The following LACTBL1 variants were observed in gnomAD, a reference collection of about 807,000 sequenced individuals.
The protein encoded by LACTBL1 is beta-lactamase-like protein 1.
Under a neutral mutation model 39.6 loss-of-function variants are expected in LACTBL1, and 29 were observed. The ratio of observed to expected loss-of-function variants is 0.73; its 90% CI spans 0.55 to 1.00. The LOEUF (loss-of-function observed/expected upper bound fraction) is 1.00, where lower values mean the gene tolerates loss of function less well. Among genes scored for constraint, LACTBL1 ranks in the 50% least tolerant of loss-of-function variants. LACTBL1 has a pLI of 0.00. For synonymous variants in LACTBL1, 361 were observed against 360.7 expected (o/e 1.00, Z -0.01); for missense variants, 711 against 748.5 (o/e 0.95, Z 0.59).
chr1:22,967,644 T>G (rs61187602), upstream of LACTBL1, among the ~76,000 whole-genome samples: 18,022 of 151,436 alleles, frequency 0.12, 1,155 homozygotes, highest in South Asian at 0.27. Context: ...CATATATATA[T>G]AGAGAGAGAG....
At chr1:22,967,088 G>T (rs891651176), upstream of LACTBL1, among the ~76,000 whole-genome samples, 1 of 152,222 alleles carries the variant, frequency 6.6e-6, no homozygotes, top group African/African-American at 2.4e-5. Context: ...TTAAACATTG[G>T]CTGGGTGAAG....
intron 4 of LACTBL1, among the ~76,000 whole-genome samples, chr1:22,956,546 C>T (rs1570498568): frequency 6.6e-6 from 1 of 152,264 alleles, no homozygotes; most frequent in South Asian, 2.1e-4. Flanking sequence ...GGGTTTATGA[C>T]TGCAGATATG....
At chr1:22,961,388 G>A (rs1640820994) in intron 2 of LACTBL1, among the ~76,000 whole-genome samples, 1 of 152,004 alleles carries the variant, frequency 6.6e-6, no homozygotes, top group Non-Finnish European at 1.5e-5. Flanking sequence ...TTTGAGACCA[G>A]AGTCTCGCTC....
exon 6 of LACTBL1, chr1:22,953,442 C>G: frequency 8.1e-7 from 1 of 1,227,490 alleles, no homozygotes; most frequent in Non-Finnish European, 1.0e-6. Flanking sequence ...GCTCGGCCTC[C>G]CGGAGGGCGC....
chr1:22,953,286 TG>T lies in LACTBL1; in HGVS notation c.1397del (p.Pro466GlnfsTer?). On this transcript the variant is annotated frameshift_variant, in exon 6 of 6. Transcript: ENST00000426928. LOFTEE classifies it high-confidence loss of function. ...GGCGCAGCGCCAGGGTGCGGAACGCTGGAGGCACCAGCGCCTCCACGCGCGG... is the reference window on the plus strand; with the variant it reads ...GGCGCAGCGCCAGGGTGCGGAACGCTGAGGCACCAGCGCCTCCACGCGCGG... 8.2e-7 allele frequency: 1 copy of T among 1,226,750 alleles called. No individual in the cohort carries two copies. The highest frequency in any genetic ancestry group is 1.0e-6 in the Non-Finnish European group (1 of 983,238). 76.0% of individuals were successfully genotyped at this position (1,226,750 alleles called of 1,614,324 possible). A position where few individuals can be genotyped will look rare whatever the true frequency, so the allele number is the denominator to read the frequency against.
At chr1:22,960,930 C>A (rs972647735) in intron 2 of LACTBL1, among the ~76,000 whole-genome samples, 6 of 152,126 alleles carry the variant, frequency 3.9e-5, no homozygotes. Context: ...CAGGCACATG[C>A]TACCACACCC....
In LACTBL1 at chr1:22,954,009, C is replaced by T. The variant is rs749389349; in HGVS notation, c.675G>A (p.Thr225=). 8 of 1,537,914 alleles carry T rather than the reference C, an allele frequency of 5.2e-6. No individual in the cohort carries two copies. In the South Asian group the frequency reaches 7.2e-5, roughly 14 times the overall value. The change falls in exon 6 of 6, where the codon ACG becomes ACA. Residue 225 remains threonine (T), a synonymous_variant. Coordinates refer to ENST00000426928, the Ensembl canonical transcript of LACTBL1. Reference sequence around the variant, plus strand: ...CGTGGGCCAGGAGCGAGAAGGCCAGCGTGCTGTAATGGCATCTGGAAGGAG... The same window carrying T: ...CGTGGGCCAGGAGCGAGAAGGCCAGTGTGCTGTAATGGCATCTGGAAGGAG...
chr1:22,958,458 A>C (rs146621243), intron 4 of LACTBL1, among the ~76,000 whole-genome samples: 1 of 152,170 alleles, frequency 6.6e-6, no homozygotes, highest in Non-Finnish European at 1.5e-5. Flanking sequence ...AGACCTGCCA[A>C]CTCATCTTGA....
At chr1:22,954,134 C>T (rs1255388882) in intron 5 of LACTBL1, 110 bp from the exon 8 acceptor site, 45 of 1,440,888 alleles carry the variant, frequency 3.1e-5, no homozygotes, top group Admixed American at 1.2e-4. Flanking sequence ...GAACCTGCTC[C>T]CCTGCATCCC....
chr1:22,966,181 C>T (rs1438346411), upstream of LACTBL1, among the ~76,000 whole-genome samples: 1 of 152,212 alleles, frequency 6.6e-6, no homozygotes, highest in East Asian at 1.9e-4. Flanking sequence ...TAAATTAGAA[C>T]AGTAGCTGGC....
At chr1:22,955,837 C>T (rs537941631) in intron 4 of LACTBL1, among the ~76,000 whole-genome samples, 2 of 149,534 alleles carry the variant, frequency 1.3e-5, no homozygotes, top group South Asian at 2.1e-4. Flanking sequence ...CCAAGGTGGG[C>T]GGATTGCCTG....
chr1:22,964,734 G>T (rs1640859970), intron 1 of LACTBL1, among the ~76,000 whole-genome samples: 1 of 152,232 alleles, frequency 6.6e-6, no homozygotes, highest in Non-Finnish European at 1.5e-5. Context: ...TGGGACCCAG[G>T]TAGGGGCTAG....
At chr1:22,971,332 C>T in the LACTBL1 span, among the ~76,000 whole-genome samples, 17 of 152,094 alleles carry the variant, frequency 1.1e-4, no homozygotes, top group African/African-American at 3.9e-4. Context: ...CCAGCAGACC[C>T]GAAGATGGGT....
exon 6 of LACTBL1, chr1:22,953,945 A>C: frequency 6.5e-7 from 1 of 1,550,216 alleles, no homozygotes; most frequent in Non-Finnish European, 8.7e-7. Context: ...TCCGAGACCC[A>C]GCGCTGGTAG....
chr1:22,971,329 A>T, the LACTBL1 span, among the ~76,000 whole-genome samples: 1 of 151,948 alleles, frequency 6.6e-6, no homozygotes, highest in South Asian at 2.1e-4. Context: ...ATTCCAGCAG[A>T]CCCGAAGATG....
chr1:22,970,478 A>G, the LACTBL1 span, among the ~76,000 whole-genome samples: 1 of 152,112 alleles, frequency 6.6e-6, no homozygotes, highest in African/African-American at 2.4e-5. Flanking sequence ...AGCAGAAGGG[A>G]CTTTGGGGAG....
At chr1:22,957,630 T>A (rs2124227103) in intron 4 of LACTBL1, among the ~76,000 whole-genome samples, 1 of 149,626 alleles carries the variant, frequency 6.7e-6, no homozygotes, top group African/African-American at 2.4e-5. Flanking sequence ...TTTTAATATT[T>A]CTTAATATTC....
chr1:22,953,368 G>C, exon 6 of LACTBL1: 2 of 1,228,732 alleles, frequency 1.6e-6, no homozygotes, highest in East Asian at 6.4e-5. Flanking sequence ...CTCGTAGAAG[G>C]TCAGGTTGGC....
chr1:22,963,893 C>G (rs1224359090), intron 1 of LACTBL1, among the ~76,000 whole-genome samples: 1 of 152,168 alleles, frequency 6.6e-6, no homozygotes, highest in Non-Finnish European at 1.5e-5. Context: ...CACCCCAAAA[C>G]TGAGACAAGG....
Sources: gnomAD v4.1 joint callset for allele counts (sites outside exome capture counted in the v4.1 genomes callset) on GRCh38, gnomAD v4.1.1 for gene constraint, MANE v1.5 for transcripts, NCBI Gene and HGNC (gene_info 2026-07-23, HGNC 2026-07-21) for gene names.